The following APTX variants were observed in gnomAD, a reference collection of about 807,000 sequenced individuals.
APTX encodes forkhead-associated domain histidine triad-like protein.
Under a neutral mutation model 42.3 loss-of-function variants are expected in APTX, and 33 were observed. The ratio of observed to expected loss-of-function variants is 0.78; its 90% CI spans 0.59 to 1.04. The LOEUF (loss-of-function observed/expected upper bound fraction) is 1.04. APTX is among the 50% of genes least tolerant of loss of function. The pLI is 0.00. For missense variants in APTX, 421 were observed against 415.1 expected (o/e 1.01, Z -0.12); for synonymous variants, 130 against 146.7 (o/e 0.89, Z 0.82).
Position 32,984,830 on chromosome 9 carries a change from T to A in APTX, c.571A>T (p.Ile191Leu). ...QVYKDEQVVV[I>L]KDKYPKARYH... ...CGGGCCTTTGGGTATTTATCCTTTA[T>A]CACCACCACCTGCTCATCTTTGTAA... is the stretch of plus-strand genomic sequence containing the variant. The change falls in exon 6 of 8, where the codon ATA becomes TTA. Residue 191 changes from isoleucine (I) to leucine (L), a missense_variant. By Grantham distance (5) the Ile-to-Leu change is conservative. Transcript: ENST00000379817. 6.2e-7 allele frequency: 1 copy of A among 1,614,206 alleles called. No homozygotes were observed. Among genetic ancestry groups the A allele is most frequent in the Non-Finnish European group, 8.5e-7 (1 of 1,180,022 alleles).
At chr9:32,976,314 C>T (rs1268466916) in intron 6 of APTX, among the ~76,000 whole-genome samples, 1 of 152,084 alleles carries the variant, frequency 6.6e-6, no homozygotes, top group Non-Finnish European at 1.5e-5. Context: ...ACCAACATGG[C>T]ACATGTATAC....
chr9:32,983,331 T>A (rs1441507703), intron 6 of APTX, among the ~76,000 whole-genome samples: 1 of 152,080 alleles, frequency 6.6e-6, no homozygotes, highest in African/African-American at 2.4e-5. Context: ...AAACTATCTA[T>A]GCTGAAGGAA....
chr9:32,987,498 TATTTC>T, intron 4 of APTX, 41 bp downstream of exon 4: 2 of 1,608,114 alleles, frequency 1.2e-6, no homozygotes, highest in Non-Finnish European at 1.7e-6. Context: ...GCAGTCATTA[TATTTC>T]ATTTCTTCTC....
intron 6 of APTX, 26 bp downstream of exon 6, chr9:32,984,605 C>T: frequency 7.5e-6 from 12 of 1,608,384 alleles, no homozygotes; most frequent in Non-Finnish European, 9.4e-6. Context: ...GAACCAGGAG[C>T]CAGCAGCACT....
intron 1 of APTX, among the ~76,000 whole-genome samples, chr9:32,990,507 G>C (rs1833342501): frequency 6.6e-6 from 1 of 152,124 alleles, no homozygotes; most frequent in Non-Finnish European, 1.5e-5. Context: ...TGGACATTAG[G>C]CTACATATTG....
intron 1 of APTX, among the ~76,000 whole-genome samples, chr9:33,017,933 C>CT (rs1195626359): frequency 1.2e-5 from 1 of 84,586 alleles, no homozygotes; most frequent in Non-Finnish European, 2.5e-5. Context: ...CCAGCGCCCC[C>CT]CCCCCCCTCC....
chr9:33,024,765 A>G (rs1272854920), intron 1 of APTX: 1 of 151,300 alleles, frequency 6.6e-6, no homozygotes, highest in Non-Finnish European at 1.5e-5. Flanking sequence ...AAACAGCAAG[A>G]CCCAAGGCCT....
intron 1 of APTX, among the ~76,000 whole-genome samples, chr9:32,995,532 A>G (rs557903235): frequency 1.3e-5 from 2 of 152,330 alleles, no homozygotes; most frequent in African/African-American, 4.8e-5. Flanking sequence ...ATGGATGTGC[A>G]AAGAAAACGG....
chr9:33,006,841 A>T (rs1368642868), intron 1 of APTX, among the ~76,000 whole-genome samples: 1 of 151,968 alleles, frequency 6.6e-6, no homozygotes, highest in Non-Finnish European at 1.5e-5. Flanking sequence ...TCTACTAAAA[A>T]TACAAAAAAT....
intron 1 of APTX, among the ~76,000 whole-genome samples, chr9:33,022,678 A>G (rs1221890695): frequency 5.9e-5 from 9 of 152,242 alleles, no homozygotes; most frequent in Non-Finnish European, 1.0e-4. Flanking sequence ...AACAAGGCAG[A>G]TTAGTTATTT....
upstream of APTX, among the ~76,000 whole-genome samples, chr9:33,002,291 A>T (rs1252563382): frequency 1.3e-5 from 2 of 152,118 alleles, no homozygotes; most frequent in Non-Finnish European, 1.5e-5. Context: ...CTCAAGTACA[A>T]CACACTGGCA....
Position 33,001,556 on chromosome 9 carries a change from G to C in APTX, c.-5+11C>G, listed in dbSNP as rs754180338. ...CAGCCAGCAGAAGAGATAGGCTGAC[G>C]ACCGCCTTACCTCCAGAAGTCGGAG... is the stretch of plus-strand genomic sequence containing the variant. On this transcript the variant is annotated intron_variant, in intron 1 of 7. Transcript: ENST00000379817. 1.9e-6 allele frequency: 3 copies of C among 1,613,744 alleles called. No individual in the cohort carries two copies. The highest frequency in any genetic ancestry group is 1.7e-5 in the Admixed American group (1 of 60,024).
chr9:33,022,639 C>T (rs139650209), intron 1 of APTX, among the ~76,000 whole-genome samples: 13 of 152,268 alleles, frequency 8.5e-5, no homozygotes, highest in African/African-American at 2.2e-4. Context: ...GAATAAATTA[C>T]GGTGCCTACA....
intron 5 of APTX, 76 bp downstream of exon 5, chr9:32,985,895 C>A: frequency 7.0e-6 from 9 of 1,294,774 alleles, no homozygotes; most frequent in African/African-American, 1.5e-5. Context: ...CCTTTGATTT[C>A]ATTTGTAATT....
intron 1 of APTX, among the ~76,000 whole-genome samples, chr9:32,993,902 A>G (rs1834231426): frequency 6.6e-6 from 1 of 152,048 alleles, no homozygotes; most frequent in African/African-American, 2.4e-5. Context: ...TATTTTTAAT[A>G]GAGACGGGGT....
intron 1 of APTX, among the ~76,000 whole-genome samples, chr9:33,009,470 G>T (rs923056711): frequency 5.3e-5 from 8 of 151,734 alleles, no homozygotes; most frequent in African/African-American, 1.9e-4. Flanking sequence ...ATTCACTCTT[G>T]TCCCCTCCAA....
At chr9:32,990,132 C>G (rs1833226961) in intron 1 of APTX, 1 of 553,692 alleles carries the variant, frequency 1.8e-6, no homozygotes, top group Admixed American at 3.2e-5. Context: ...CTGCCTGAAT[C>G]ATGCTAGGCA....
chr9:32,974,982 T>A (rs1183211459), intron 6 of APTX, among the ~76,000 whole-genome samples: 1 of 152,128 alleles, frequency 6.6e-6, no homozygotes, highest in African/African-American at 2.4e-5. Context: ...CCCTCTTTAG[T>A]TAACAGTGTT....
chr9:33,016,421 A>G (rs1837903791), intron 1 of APTX, among the ~76,000 whole-genome samples: 1 of 152,236 alleles, frequency 6.6e-6, no homozygotes, highest in Non-Finnish European at 1.5e-5. Context: ...TGAGCAATCC[A>G]GTTTACAAAA....
Sources: gnomAD v4.1 joint callset for allele counts (sites outside exome capture counted in the v4.1 genomes callset) on GRCh38, gnomAD v4.1.1 for gene constraint, MANE v1.5 for transcripts, NCBI Gene and HGNC (gene_info 2026-07-23, HGNC 2026-07-21) for gene names.